The following GLI3 variants were observed in gnomAD, a reference collection of about 807,000 sequenced individuals.
GLI3 encodes GLI family zinc finger 3.
Under a neutral mutation model 100.8 loss-of-function variants are expected in GLI3, and 20 were observed. That is an observed-to-expected ratio of 0.20 (90% CI 0.14 to 0.29). The LOEUF is 0.29. Among genes scored for constraint, GLI3 ranks in the 10% least tolerant of loss-of-function variants. GLI3 has a pLI of 1.00. For synonymous variants in GLI3, 938 were observed against 860.5 expected (o/e 1.09, Z -1.58); for missense variants, 2,040 against 2,128.5 (o/e 0.96, Z 0.82).
chr7:42,134,802 G>C (rs1786386512), intron 3 of GLI3, among the ~76,000 whole-genome samples: 1 of 152,048 alleles, frequency 6.6e-6, no homozygotes, highest in Non-Finnish European at 1.5e-5. Context: ...TAAAATTCAG[G>C]GGAGCATTTC....
chr7:42,105,131 C>T (rs1283547992), intron 3 of GLI3, among the ~76,000 whole-genome samples: 4 of 152,166 alleles, frequency 2.6e-5, no homozygotes, highest in African/African-American at 4.8e-5. Context: ...GCCCTGGGTC[C>T]TTCATGGCCA....
rs1246369593 is a variant in GLI3, at chr7:41,989,799, G to C, written c.1498-11051C>G. On this transcript the variant is annotated intron_variant, in intron 10 of 14. Coordinates refer to ENST00000395925, the MANE Select transcript of GLI3 (RefSeq NM_000168.6). ...TGTAATCCCAATACTTTAGGAGGCT[G>C]AGGCGGGAGGATTGCTTGAGCCCAG... Among the ~76,000 whole-genome samples, 3 of 152,060 alleles carry C rather than the reference G, an allele frequency of 2.0e-5. No individual in the cohort carries two copies. In the East Asian group the frequency reaches 5.8e-4, roughly 29 times the overall value.
intron 2 of GLI3, among the ~76,000 whole-genome samples, chr7:42,191,208 C>T (rs1295963139): frequency 6.6e-6 from 1 of 151,924 alleles, no homozygotes; most frequent in African/African-American, 2.4e-5. Flanking sequence ...GAAGATGTAA[C>T]AGAAAAACGA....
chr7:42,025,538 T>C (rs1789088318), intron 8 of GLI3, among the ~76,000 whole-genome samples, 161 bp from the exon 9 acceptor site: 1 of 152,230 alleles, frequency 6.6e-6, no homozygotes, highest in Non-Finnish European at 1.5e-5. Context: ...GTTCAGATAG[T>C]ATGTTCAAAG....
intron 3 of GLI3, among the ~76,000 whole-genome samples, chr7:42,132,358 C>T (rs1786310982): frequency 6.6e-6 from 1 of 152,128 alleles, no homozygotes; most frequent in Admixed American, 6.5e-5. Flanking sequence ...CCTTGACCTC[C>T]CAAAGTGCTG....
intron 2 of GLI3, among the ~76,000 whole-genome samples, chr7:42,219,851 CTCTT>C (rs1295418600): frequency 6.7e-6 from 1 of 148,880 alleles, no homozygotes; most frequent in Non-Finnish European, 1.5e-5. Flanking sequence ...TGAAACTGAA[CTCTT>C]TTTTTTTTTT....
At position 42,148,315 on chromosome 7, in the gene GLI3, G is replaced by T; in HGVS notation, c.278C>A (p.Ser93Tyr). ...AGAGGGCTCCGCCACGTGTGGCAGG[G>T]ACCCATGGATCTCTTTCTTGATCAA... ...ASLIKKEIHGSLPHVAEPSVP... is the reference protein window; with the variant it reads ...ASLIKKEIHGYLPHVAEPSVP... Residue 93 changes from serine (S) to tyrosine (Y), a missense_variant, in exon 3 of 15, where the codon TCC becomes TAC. Physicochemically the swap from Ser to Tyr is moderately radical, Grantham distance 144. Coordinates refer to ENST00000395925, the MANE Select transcript of GLI3 (RefSeq NM_000168.6). The T allele has an allele frequency of 6.2e-7, 1 of 1,613,552 alleles. No homozygotes were observed. The highest frequency in any genetic ancestry group is 8.5e-7 in the Non-Finnish European group (1 of 1,179,726).
intron 2 of GLI3, among the ~76,000 whole-genome samples, chr7:42,154,939 G>A (rs1353072752): frequency 6.6e-6 from 1 of 152,150 alleles, no homozygotes; most frequent in Non-Finnish European, 1.5e-5. Flanking sequence ...CAGAGGGAGG[G>A]GCCCAGATGG....
At chr7:42,043,586 T>C (rs1418891163) in intron 6 of GLI3, among the ~76,000 whole-genome samples, 1 of 152,214 alleles carries the variant, frequency 6.6e-6, no homozygotes, top group Non-Finnish European at 1.5e-5. Flanking sequence ...TAATAAGAAA[T>C]TCTGACAAAG....
intron 3 of GLI3, chr7:42,113,227 A>G (rs1449057166): frequency 6.8e-6 from 3 of 443,570 alleles, no homozygotes; most frequent in Non-Finnish European, 1.3e-5. Context: ...TGATGTCTGC[A>G]TCTCTGGTGA....
chr7:42,163,870 G>A (rs1486647040), intron 2 of GLI3, among the ~76,000 whole-genome samples: 1 of 152,102 alleles, frequency 6.6e-6, no homozygotes, highest in Non-Finnish European at 1.5e-5. Context: ...ATTGTTCTTT[G>A]GCCAATTTAA....
intron 1 of GLI3, among the ~76,000 whole-genome samples, chr7:42,225,333 G>GT (rs1788561801): frequency 6.7e-6 from 1 of 149,988 alleles, no homozygotes; most frequent in African/African-American, 2.5e-5. Flanking sequence ...ACTAAAGCTT[G>GT]TTTTTTTGTT....
intron 3 of GLI3, among the ~76,000 whole-genome samples, chr7:42,120,190 C>T (rs1267526176): frequency 6.6e-6 from 1 of 152,198 alleles, no homozygotes; most frequent in Non-Finnish European, 1.5e-5. Context: ...TTTCCATATG[C>T]AAGACATTTC....
rs568616299 is a variant in GLI3, at chr7:42,207,626, GC to G, written c.124+15503del. Reference sequence around the variant, plus strand: ...ATTATTCACAATTGAAAAAAAATGTGCATGTCCAATGATAGGGGATTGATTG... The same window carrying G: ...ATTATTCACAATTGAAAAAAAATGTGATGTCCAATGATAGGGGATTGATTG... On this transcript the variant is annotated intron_variant, in intron 2 of 14. Coordinates refer to ENST00000395925, the MANE Select transcript of GLI3 (RefSeq NM_000168.6). Among the ~76,000 whole-genome samples, 343 of 152,252 alleles carry G rather than the reference GC, an allele frequency of 2.3e-3. 2 individuals carry two copies. The highest frequency in any genetic ancestry group is 7.9e-3 in the African/African-American group (330 of 41,556).
chr7:42,139,020 C>G (rs1369768325), intron 3 of GLI3, among the ~76,000 whole-genome samples: 1 of 152,172 alleles, frequency 6.6e-6, no homozygotes, highest in Non-Finnish European at 1.5e-5. Context: ...CTCATGCTCC[C>G]CTGGTGGTGT....
intron 3 of GLI3, among the ~76,000 whole-genome samples, chr7:42,127,112 G>A (rs933685455): frequency 3.3e-5 from 5 of 152,252 alleles, no homozygotes; most frequent in African/African-American, 1.2e-4. Flanking sequence ...CTTGTTCTCT[G>A]AATGACAGCC....
At chr7:42,059,343 CCT>C (rs529019706) in intron 4 of GLI3, among the ~76,000 whole-genome samples, 52 of 151,332 alleles carry the variant, frequency 3.4e-4, no homozygotes, top group Admixed American at 9.9e-4. Context: ...ATCTTCTTCC[CCT>C]GATTACTAGA....
intron 3 of GLI3, chr7:42,145,622 G>GA (rs59890189): frequency 0.29 from 98,291 of 333,628 alleles, 5,688 homozygotes; most frequent in African/African-American, 0.46. Context: ...AAGAAAGAAA[G>GA]AAAAAAAAAA....
chr7:42,219,408 A>C (rs192784347), intron 2 of GLI3, among the ~76,000 whole-genome samples: 229 of 152,228 alleles, frequency 1.5e-3, no homozygotes, highest in African/African-American at 5.2e-3. Flanking sequence ...TGTTACAAAA[A>C]TCAAATTTGA....
Sources: gnomAD v4.1 joint callset for allele counts (sites outside exome capture counted in the v4.1 genomes callset) on GRCh38, gnomAD v4.1.1 for gene constraint, MANE v1.5 for transcripts, NCBI Gene and HGNC (gene_info 2026-07-23, HGNC 2026-07-21) for gene names.